Variants in CNOT2 observed in about 807,000 individuals in gnomAD.
CNOT2 encodes CCR4-NOT transcription complex subunit 2, also known as CC chemokine receptor 4-negative regulator of transcription 2.
Under a neutral mutation model 72.1 loss-of-function variants are expected in CNOT2, and 7 were observed. That is an observed-to-expected ratio of 0.10 (90% CI 0.06 to 0.18). CNOT2 has a LOEUF of 0.18. Ranked by LOEUF, CNOT2 falls within the 10% of genes least tolerant of loss-of-function variation. The pLI, the probability that CNOT2 is intolerant of heterozygous loss-of-function variation, is 1.00. For missense variants in CNOT2, 345 were observed against 660.3 expected (o/e 0.52, Z 5.23); for synonymous variants, 196 against 225.6 (o/e 0.87, Z 1.17).
intron 1 of CNOT2, among the ~76,000 whole-genome samples, chr12:70,248,521 A>G (rs1391499754): frequency 2.0e-5 from 3 of 152,172 alleles, no homozygotes; most frequent in Non-Finnish European, 4.4e-5. Flanking sequence ...GGCAGATGTT[A>G]CATCATATAT....
chr12:70,333,017 GA>G (rs1880176762), intron 7 of CNOT2, among the ~76,000 whole-genome samples, 171 bp downstream of exon 7: 1 of 151,860 alleles, frequency 6.6e-6, no homozygotes, highest in Non-Finnish European at 1.5e-5. Flanking sequence ...ATAGTTGAGA[GA>G]GATGTAAATT....
intron 14 of CNOT2, 53 bp downstream of exon 14, chr12:70,344,281 C>A: frequency 9.3e-7 from 1 of 1,069,776 alleles, no homozygotes; most frequent in Non-Finnish European, 1.4e-6. Flanking sequence ...CTTGACTATG[C>A]TGAAAACATC....
intron 2 of CNOT2, among the ~76,000 whole-genome samples, chr12:70,280,157 A>G (rs1350883745): frequency 6.6e-6 from 1 of 152,186 alleles, no homozygotes; most frequent in Admixed American, 6.5e-5. Context: ...TAATATATTC[A>G]TCATAATACC....
intron 2 of CNOT2, among the ~76,000 whole-genome samples, chr12:70,300,306 C>G (rs1156405342): frequency 6.6e-6 from 1 of 152,176 alleles, no homozygotes; most frequent in Non-Finnish European, 1.5e-5. Flanking sequence ...TGCCTATGTC[C>G]TGAATGGTAT....
chr12:70,261,808 CACCAG>C (rs1194720563), intron 1 of CNOT2, among the ~76,000 whole-genome samples: 1 of 150,878 alleles, frequency 6.6e-6, no homozygotes, highest in Admixed American at 6.6e-5. Flanking sequence ...TGGTACAATT[CACCAG>C]TGAAGCTGCC....
intron 8 of CNOT2, 87 bp from the exon 9 acceptor site, chr12:70,337,302 A>C: frequency 8.9e-7 from 1 of 1,129,128 alleles, no homozygotes; most frequent in Non-Finnish European, 1.3e-6. Context: ...CTTTTGGTGT[A>C]TTATCATGAG....
At chr12:70,268,640 T>G (rs1959162345) in intron 1 of CNOT2, among the ~76,000 whole-genome samples, 1 of 150,056 alleles carries the variant, frequency 6.7e-6, no homozygotes, top group African/African-American at 2.4e-5. Flanking sequence ...TTTTTTTTTT[T>G]GGTAGTGATG....
chr12:70,327,313 G>T (rs775153328), intron 4 of CNOT2, among the ~76,000 whole-genome samples: 16 of 151,848 alleles, frequency 1.1e-4, no homozygotes, highest in Non-Finnish European at 2.4e-4. Flanking sequence ...TTAGAAAAAA[G>T]GTTGAGGGAA....
intron 1 of CNOT2, chr12:70,244,053 T>C (rs1056176786): frequency 6.6e-6 from 1 of 152,368 alleles, no homozygotes; most frequent in East Asian, 1.9e-4. Context: ...GTTAGTGTGT[T>C]TGCAAGTGTC....
chr12:70,272,709 G>C (rs1215522554), intron 1 of CNOT2, among the ~76,000 whole-genome samples: 1 of 152,128 alleles, frequency 6.6e-6, no homozygotes, highest in African/African-American at 2.4e-5. Flanking sequence ...TGGGTCCTTA[G>C]TACTACTTGG....
intron 2 of CNOT2, among the ~76,000 whole-genome samples, chr12:70,299,512 T>A (rs1052930079): frequency 6.6e-6 from 1 of 152,098 alleles, no homozygotes; most frequent in Non-Finnish European, 1.5e-5. Flanking sequence ...CTGAGAATAA[T>A]GGTTTCCAGC....
intron 2 of CNOT2, among the ~76,000 whole-genome samples, chr12:70,302,788 G>C (rs1322306782): frequency 6.6e-6 from 1 of 152,096 alleles, no homozygotes; most frequent in South Asian, 2.1e-4. Flanking sequence ...TTTCTGTCTC[G>C]TTGATCTGTC....
At chr12:70,331,418 A>G (rs747955719) in intron 6 of CNOT2, 1 of 151,848 alleles carries the variant, frequency 6.6e-6, no homozygotes, top group Non-Finnish European at 1.5e-5. Flanking sequence ...TTCTAACCTT[A>G]TATCTTTATC....
intron 4 of CNOT2, chr12:70,323,056 C>T (rs772468544): frequency 2.0e-5 from 3 of 151,498 alleles, no homozygotes; most frequent in Non-Finnish European, 3.0e-5. Context: ...CAAATTCTGT[C>T]TATACCATTC....
chr12:70,342,664 A>G (rs1200969063), intron 13 of CNOT2, among the ~76,000 whole-genome samples: 1 of 151,936 alleles, frequency 6.6e-6, no homozygotes, highest in African/African-American at 2.4e-5. Context: ...TTTAAAAACT[A>G]TTTATGACCT....
chr12:70,325,123 T>A (rs1878885312), intron 4 of CNOT2, among the ~76,000 whole-genome samples: 1 of 151,846 alleles, frequency 6.6e-6, no homozygotes. Context: ...GAAAGTATTC[T>A]TGCTGAGGAG....
chr12:70,268,508 C>T (rs1959154507), intron 1 of CNOT2, among the ~76,000 whole-genome samples: 1 of 152,128 alleles, frequency 6.6e-6, no homozygotes, highest in African/African-American at 2.4e-5. Flanking sequence ...TGCAGTGGTG[C>T]AGTCAGGGCT....
chr12:70,308,482 T>C (rs565267166), intron 2 of CNOT2, among the ~76,000 whole-genome samples: 2 of 151,954 alleles, frequency 1.3e-5, no homozygotes, highest in Non-Finnish European at 2.9e-5. Flanking sequence ...TAAGAATAAT[T>C]AGTATTGTCA....
chr12:70,275,994 A>G (rs1205688531), intron 1 of CNOT2, among the ~76,000 whole-genome samples: 2 of 152,070 alleles, frequency 1.3e-5, no homozygotes, highest in African/African-American at 2.4e-5. Context: ...TTAGTTCACT[A>G]TAGAATATTA....
Sources: gnomAD v4.1 joint callset for allele counts (sites outside exome capture counted in the v4.1 genomes callset) on GRCh38, gnomAD v4.1.1 for gene constraint, MANE v1.5 for transcripts, NCBI Gene and HGNC (gene_info 2026-07-23, HGNC 2026-07-21) for gene names.